Variants in NR6A1 observed in about 807,000 individuals in gnomAD.
NR6A1 encodes retinoic acid receptor-related testis-associated receptor.
Under a neutral mutation model 59.1 loss-of-function variants are expected in NR6A1, and 7 were observed. The ratio of observed to expected loss-of-function variants is 0.12; its 90% CI spans 0.07 to 0.22. The LOEUF is 0.22. Among genes scored for constraint, NR6A1 ranks in the 10% least tolerant of loss-of-function variants. The probability of loss-of-function intolerance (pLI) is 1.00; values close to 1 mark genes in which losing one functional copy is unlikely to be tolerated. For missense variants in NR6A1, 468 were observed against 611.6 expected (o/e 0.77, Z 2.48); for synonymous variants, 243 against 236.1 (o/e 1.03, Z -0.27).
At chr9:124,553,873 A>G (rs534799871) in intron 3 of NR6A1, among the ~76,000 whole-genome samples, 1 of 152,214 alleles carries the variant, frequency 6.6e-6, no homozygotes, top group African/African-American at 2.4e-5. Context: ...TGGCTCTTGG[A>G]AAGCTTCCCA....
At chr9:124,647,044 A>G (rs931610988) in intron 2 of NR6A1, among the ~76,000 whole-genome samples, 1 of 152,166 alleles carries the variant, frequency 6.6e-6, no homozygotes, top group East Asian at 1.9e-4. Context: ...TCTTCCCAGT[A>G]GCTAGGACTA....
At chr9:124,732,052 G>C (rs1009860713) in intron 2 of NR6A1, among the ~76,000 whole-genome samples, 2 of 152,040 alleles carry the variant, frequency 1.3e-5, no homozygotes, top group African/African-American at 4.8e-5. Flanking sequence ...ATATTTCCCT[G>C]GTGTTTGATA....
At chr9:124,595,650 T>C (rs1835251116) in intron 2 of NR6A1, 1 of 508,054 alleles carries the variant, frequency 2.0e-6, no homozygotes, top group Non-Finnish European at 3.6e-6. Flanking sequence ...AAAAAAACAG[T>C]TGCCTGTGGA....
At chr9:124,625,476 G>A (rs777601535) in intron 2 of NR6A1, among the ~76,000 whole-genome samples, 47 of 152,124 alleles carry the variant, frequency 3.1e-4, no homozygotes, top group Non-Finnish European at 5.9e-4. Flanking sequence ...AAAGGTATGC[G>A]CCACCATGTC....
intron 2 of NR6A1, among the ~76,000 whole-genome samples, chr9:124,591,330 C>A (rs187479042): frequency 2.6e-5 from 4 of 152,312 alleles, no homozygotes; most frequent in African/African-American, 9.6e-5. Flanking sequence ...GTATTACTAT[C>A]CTCTGTTGCA....
chr9:124,545,560 G>A (rs999608963), intron 3 of NR6A1, among the ~76,000 whole-genome samples: 3 of 152,056 alleles, frequency 2.0e-5, no homozygotes, highest in African/African-American at 4.8e-5. Context: ...CTTTACAATC[G>A]CTTCTCTGCT....
At chr9:124,690,259 C>T (rs1263852517) in intron 2 of NR6A1, among the ~76,000 whole-genome samples, 1 of 152,110 alleles carries the variant, frequency 6.6e-6, no homozygotes, top group Non-Finnish European at 1.5e-5. Flanking sequence ...TACTAATCAT[C>T]CAGATACATT....
chr9:124,606,814 T>C (rs988525623), intron 2 of NR6A1, among the ~76,000 whole-genome samples: 7 of 152,180 alleles, frequency 4.6e-5, no homozygotes, highest in African/African-American at 1.7e-4. Context: ...CCAAAGGCCA[T>C]GGGCACCTCC....
chr9:124,584,748 C>CA (rs1319275153), intron 2 of NR6A1, among the ~76,000 whole-genome samples: 1 of 152,142 alleles, frequency 6.6e-6, no homozygotes, highest in Non-Finnish European at 1.5e-5. Flanking sequence ...TGAAACCCAA[C>CA]AACATTGAAA....
chr9:124,755,737 T>G (rs1413869330), intron 1 of NR6A1, among the ~76,000 whole-genome samples: 1 of 152,218 alleles, frequency 6.6e-6, no homozygotes, highest in Non-Finnish European at 1.5e-5. Flanking sequence ...TATAAAGCAT[T>G]TTTAAAACAT....
intron 2 of NR6A1, among the ~76,000 whole-genome samples, chr9:124,651,332 T>A (rs543661753): frequency 1.3e-5 from 2 of 152,344 alleles, no homozygotes; most frequent in African/African-American, 4.8e-5. Flanking sequence ...GTGCTGGAAT[T>A]ACAGGCATGA....
intron 2 of NR6A1, among the ~76,000 whole-genome samples, chr9:124,574,115 A>C (rs1466649154): frequency 6.6e-6 from 1 of 152,208 alleles, no homozygotes; most frequent in Admixed American, 6.5e-5. Flanking sequence ...TTTTCTCTCC[A>C]CCAGGAATAT....
rs1833343138 is a variant in NR6A1 at position 124,538,294 on chromosome 9, T to C, written c.622A>G (p.Met208Val). Residue 208 changes from methionine to valine, a missense_variant, in exon 6 of 10, where the codon ATG (methionine) becomes GTG (valine). Physicochemically the swap from Met to Val is conservative, Grantham distance 21. Around this residue, in one of 4 missense-constraint regions of NR6A1, gnomAD observed 151 missense variants for 142.8 expected, o/e 1.06. Transcript: ENST00000487099. ...CCCATGTACTGTTCCCTGAAGGCCA[T>C]GAATCCATTCAGTTCCACAGACCTA... ...SSRSVELNGF[M>V]AFREQYMGMS... is the part of the protein sequence containing the mutation. 6.2e-7 allele frequency: 1 copy of C among 1,614,124 alleles called. No homozygotes were observed. Among genetic ancestry groups the C allele is most frequent in the East Asian group, 2.2e-5 (1 of 44,882 alleles).
Position 124,554,415 on chromosome 9 carries a change from T to C in NR6A1, c.298A>G (p.Lys100Glu). Reference sequence around the variant, plus strand: ...TGCTTCCGAGACATGACACAGTTCTTGTCACGACTGCATCGATATACCCGT... The same window carrying C: ...TGCTTCCGAGACATGACACAGTTCTCGTCACGACTGCATCGATATACCCGT... ...NKRVYRCSRD[K>E]NCVMSRKQRN... Residue 100 changes from lysine to glutamate, a missense_variant, in exon 3 of 10, where the codon AAG (lysine) becomes GAG (glutamate). Around this residue, in one of 4 missense-constraint regions of NR6A1, gnomAD observed 66 missense variants for 139.2 expected, o/e 0.47. Transcript: ENST00000487099. 6.2e-7 allele frequency: 1 copy of C among 1,614,164 alleles called. No individual in the cohort carries two copies.
chr9:124,683,183 T>C (rs866104631), intron 2 of NR6A1, among the ~76,000 whole-genome samples: 2 of 149,828 alleles, frequency 1.3e-5, no homozygotes, highest in African/African-American at 2.5e-5. Context: ...GCCTGGGGCA[T>C]AGAGTGAGAC....
chr9:124,692,423 G>A (rs775544665), intron 2 of NR6A1: 2 of 524,354 alleles, frequency 3.8e-6, no homozygotes, highest in Admixed American at 3.9e-5. Context: ...TGGTTCTTGG[G>A]ATGTGGATGG....
At chr9:124,762,099 C>A (rs1840798440) in intron 1 of NR6A1, among the ~76,000 whole-genome samples, 2 of 152,276 alleles carry the variant, frequency 1.3e-5, no homozygotes, top group South Asian at 4.2e-4. Context: ...CTTCTTTACA[C>A]ATTTCGTTAG....
intron 2 of NR6A1, among the ~76,000 whole-genome samples, chr9:124,689,279 T>C (rs1338487832): frequency 6.6e-6 from 1 of 152,150 alleles, no homozygotes; most frequent in Non-Finnish European, 1.5e-5. Flanking sequence ...GGTTAAGTAA[T>C]TTGTCAAAGA....
intron 2 of NR6A1, among the ~76,000 whole-genome samples, chr9:124,695,827 C>T (rs1471186858): frequency 2.0e-5 from 3 of 152,080 alleles, no homozygotes; most frequent in Admixed American, 1.3e-4. Context: ...ATGTCTGACA[C>T]GTACTTTGAA....
Sources: allele counts gnomAD v4.1 joint callset (sites outside exome capture counted in the v4.1 genomes callset), GRCh38; gene constraint gnomAD v4.1.1; regional missense constraint gnomAD v4.1.1; transcripts MANE v1.5; gene names NCBI Gene and HGNC (gene_info 2026-07-23, HGNC 2026-07-21).